Variants in STK39 observed in about 807,000 individuals in gnomAD.
The protein encoded by STK39 is STE20/SPS1-related proline-alanine-rich protein kinase.
In STK39, 20 loss-of-function variants were observed where a neutral mutation model predicts 77.8. The observed-to-expected ratio is 0.26, with a 90% confidence interval of 0.18 to 0.37. The LOEUF (loss-of-function observed/expected upper bound fraction) is 0.37, where lower values mean the gene tolerates loss of function less well. Among genes scored for constraint, STK39 ranks in the 10% least tolerant of loss-of-function variants. The pLI is 1.00. For missense variants in STK39, 479 were observed against 656.5 expected (o/e 0.73, Z 2.95); for synonymous variants, 246 against 234.1 (o/e 1.05, Z -0.47).
chr2:168,001,269 CAA>C (rs111793533), intron 16 of STK39, among the ~76,000 whole-genome samples: 146 of 108,534 alleles, frequency 1.3e-3, no homozygotes, highest in East Asian at 7.6e-3. Context: ...GGAAACACAT[CAA>C]AAAAAAAAAA....
At chr2:168,163,301 G>T (rs948253185) in intron 4 of STK39, among the ~76,000 whole-genome samples, 2 of 152,096 alleles carry the variant, frequency 1.3e-5, no homozygotes, top group Non-Finnish European at 2.9e-5. Context: ...TACAATGTTT[G>T]GATAGTCTTG....
intron 14 of STK39, among the ~76,000 whole-genome samples, chr2:168,055,120 T>C (rs1051299397): frequency 2.6e-5 from 4 of 152,200 alleles, no homozygotes; most frequent in Admixed American, 2.0e-4. Flanking sequence ...ACTGCATAAC[T>C]GAACACTATG....
Position 167,954,153 on chromosome 2 carries a change from T to C in STK39, c.*1343A>G, listed in dbSNP as rs1691706997. 3 of 152,618 alleles carry C rather than the reference T, an allele frequency of 2.0e-5. No homozygotes were observed. The South Asian group carries it at 6.2e-4, about 32-fold the overall frequency. The allele number at this position is 152,618 out of a possible 1,614,324, so 9.5% of individuals were successfully genotyped here. ...TGGCTCTAGAACACCTTAACAATTA[T>C]GACAAGGCAATTATAAATAACTTTT... On this transcript the variant is annotated 3_prime_UTR_variant, in exon 18 of 18. Transcript: ENST00000355999.
intron 16 of STK39, among the ~76,000 whole-genome samples, chr2:167,985,784 T>C (rs1683541592): frequency 6.6e-6 from 1 of 152,174 alleles, no homozygotes; most frequent in Non-Finnish European, 1.5e-5. Context: ...AAAACATTTA[T>C]TCAACACCTA....
At chr2:168,162,304 A>T (rs28526506) in intron 4 of STK39, among the ~76,000 whole-genome samples, 15,557 of 150,052 alleles carry the variant, frequency 0.1, 1,815 homozygotes, top group East Asian at 0.31. Context: ...AAAAAAAAAA[A>T]AAAAAAAAGG....
intron 1 of STK39, among the ~76,000 whole-genome samples, chr2:168,243,389 T>C (rs1690820552): frequency 6.6e-6 from 1 of 152,110 alleles, no homozygotes; most frequent in Admixed American, 6.5e-5. Flanking sequence ...AGGAGAGAAA[T>C]AAAGCATTCA....
chr2:168,049,287 C>A (rs927770875), intron 14 of STK39, among the ~76,000 whole-genome samples: 1 of 152,192 alleles, frequency 6.6e-6, no homozygotes. Context: ...TAGATAAGCT[C>A]CGATTTCTGA....
chr2:168,192,361 T>C (rs1399189457), intron 1 of STK39, among the ~76,000 whole-genome samples: 1 of 152,110 alleles, frequency 6.6e-6, no homozygotes, highest in Admixed American at 6.6e-5. Context: ...CTCCACCAGC[T>C]CCAAAACGAG....
At chr2:168,011,368 T>C (rs994525377) in intron 16 of STK39, among the ~76,000 whole-genome samples, 1 of 98,736 alleles carries the variant, frequency 1.0e-5, no homozygotes, top group Non-Finnish European at 2.0e-5. Flanking sequence ...CAAAAATCAG[T>C]TTTGATTTGA....
intron 1 of STK39, among the ~76,000 whole-genome samples, chr2:168,197,933 G>A (rs540429554): frequency 6.6e-6 from 1 of 151,672 alleles, no homozygotes; most frequent in Non-Finnish European, 1.5e-5. Context: ...ATCTACTTGG[G>A]AGGCTGAGGC....
intron 1 of STK39, among the ~76,000 whole-genome samples, chr2:168,200,555 TA>T (rs1249754133): frequency 6.6e-6 from 1 of 152,082 alleles, no homozygotes; most frequent in Non-Finnish European, 1.5e-5. Context: ...CATGCGCCTG[TA>T]ACCCCAGCTA....
chr2:168,090,791 T>C (rs1210697481), intron 10 of STK39, among the ~76,000 whole-genome samples: 4 of 152,134 alleles, frequency 2.6e-5, no homozygotes, highest in Non-Finnish European at 5.9e-5. Flanking sequence ...TGTGGGGATG[T>C]GGTTAATAGT....
chr2:168,224,558 A>G (rs1690257542), intron 1 of STK39, among the ~76,000 whole-genome samples: 2 of 151,830 alleles, frequency 1.3e-5, no homozygotes, highest in Non-Finnish European at 1.5e-5. Context: ...AATCAAATAG[A>G]GATTAACATA....
intron 16 of STK39, among the ~76,000 whole-genome samples, chr2:167,992,239 T>C (rs1035927280): frequency 6.6e-6 from 1 of 152,192 alleles, no homozygotes; most frequent in Non-Finnish European, 1.5e-5. Context: ...AAGCCAGAAC[T>C]GGATTCTTAT....
chr2:168,183,525 T>C (rs1689136113), intron 1 of STK39, among the ~76,000 whole-genome samples: 1 of 152,192 alleles, frequency 6.6e-6, no homozygotes, highest in Non-Finnish European at 1.5e-5. Context: ...GTGCTTTTGT[T>C]CTACTTCCCA....
intron 10 of STK39, among the ~76,000 whole-genome samples, chr2:168,123,057 G>A (rs1010275324): frequency 6.6e-6 from 1 of 152,200 alleles, no homozygotes; most frequent in Non-Finnish European, 1.5e-5. Flanking sequence ...ATATGATACA[G>A]AGAAGAACCC....
At chr2:168,174,184 T>C (rs1688898361) in intron 2 of STK39, among the ~76,000 whole-genome samples, 1 of 152,030 alleles carries the variant, frequency 6.6e-6, no homozygotes, top group Admixed American at 6.6e-5. Context: ...TAGCCTTAAT[T>C]GGTGTTTGTA....
chr2:168,198,966 G>A (rs1274867118), intron 1 of STK39, among the ~76,000 whole-genome samples: 1 of 152,124 alleles, frequency 6.6e-6, no homozygotes, highest in Non-Finnish European at 1.5e-5. Flanking sequence ...ACTCCTCAAT[G>A]CACATCTAAA....
chr2:168,092,894 G>A lies in STK39; in HGVS notation c.1090-17663C>T, dbSNP rs1473905181. Reference sequence around the variant, plus strand: ...ATCAGTTCTTGAGTTAAGAGGCTGTGTGCAGGCTACGCACTCCCAGGGTAC... The same window carrying A: ...ATCAGTTCTTGAGTTAAGAGGCTGTATGCAGGCTACGCACTCCCAGGGTAC... On this transcript the variant is annotated intron_variant, in intron 10 of 17. Transcript: ENST00000355999. Among the ~76,000 whole-genome samples, 5 of 152,180 alleles carry A rather than the reference G, an allele frequency of 3.3e-5. No individual in the cohort carries two copies. The East Asian group carries it at 7.7e-4, about 23-fold the overall frequency.
Sources: gnomAD v4.1 joint callset for allele counts (sites outside exome capture counted in the v4.1 genomes callset) on GRCh38, gnomAD v4.1.1 for gene constraint, MANE v1.5 for transcripts, NCBI Gene and HGNC (gene_info 2026-07-23, HGNC 2026-07-21) for gene names.